Variants in ZNF624 observed in about 807,000 individuals in gnomAD.
The protein encoded by ZNF624 is zinc finger protein 624.
Under a neutral mutation model 74.7 loss-of-function variants are expected in ZNF624, and 43 were observed. The observed-to-expected ratio is 0.58, with a 90% CI of 0.45 to 0.74. ZNF624 has a LOEUF of 0.74. Ranked by LOEUF, ZNF624 falls within the 30% of genes least tolerant of loss-of-function variation. The pLI is 0.00. For missense variants in ZNF624, 820 were observed against 1,030.0 expected (o/e 0.80, Z 2.79); for synonymous variants, 331 against 341.3 (o/e 0.97, Z 0.33).
downstream of ZNF624, chr17:16,617,946 G>C (rs1260668505): frequency 9.9e-7 from 1 of 1,006,160 alleles, no homozygotes; most frequent in South Asian, 1.4e-5. Context: ...AGTAGCCGCG[G>C]TGCGGGTGCG....
chr17:16,647,825 C>G (rs1381211777), intron 2 of ZNF624, among the ~76,000 whole-genome samples: 1 of 152,164 alleles, frequency 6.6e-6, no homozygotes, highest in Non-Finnish European at 1.5e-5. Flanking sequence ...GGATGTGGCT[C>G]AACAGTCACT....
chr17:16,649,729 A>T lies in ZNF624; in HGVS notation c.16T>A (p.Ser6Thr). The T allele has an allele frequency of 5.0e-6, 8 of 1,613,858 alleles. No individual in the cohort carries two copies. The highest frequency in any genetic ancestry group is 6.8e-6 in the Non-Finnish European group (8 of 1,179,764). Residue 6 changes from serine (S) to threonine (T), a missense_variant, in exon 2 of 6, where the codon TCC becomes ACC. Transcript: ENST00000311331. Reference protein sequence around the residue: MSLQDSTLSREGKPEG... With the variant: MSLQDTTLSREGKPEG... ...GGTTTCCCCTCTCTGGAAAGAGTGG[A>T]GTCTTGCAAAGACATACCTAAGGAA...
At chr17:16,648,353 A>T (rs200081912) in intron 2 of ZNF624, among the ~76,000 whole-genome samples, 2 of 151,818 alleles carry the variant, frequency 1.3e-5, no homozygotes, top group East Asian at 3.9e-4. Context: ...ATAAAACTAC[A>T]TAAAGATCAC....
downstream of ZNF624, among the ~76,000 whole-genome samples, chr17:16,618,094 A>C (rs1320757390): frequency 1.3e-5 from 2 of 152,218 alleles, no homozygotes; most frequent in African/African-American, 4.8e-5. Flanking sequence ...TTAGTTCCTC[A>C]GGATCCACCT....
At chr17:16,643,464 C>T (rs1909513545) in intron 3 of ZNF624, among the ~76,000 whole-genome samples, 1 of 152,040 alleles carries the variant, frequency 6.6e-6, no homozygotes, top group Non-Finnish European at 1.5e-5. Flanking sequence ...TATGAAATGT[C>T]CAGAATAGGC....
chr17:16,648,904 C>T (rs1166427707), intron 2 of ZNF624, among the ~76,000 whole-genome samples: 28 of 152,144 alleles, frequency 1.8e-4, no homozygotes, highest in Admixed American at 1.8e-3. Context: ...CCCTTAAACC[C>T]GTTTCTCACC....
rs1187803186 is a variant in ZNF624 at position 16,624,042 on chromosome 17, C to T, written c.844G>A (p.Glu282Lys). Residue 282 changes from glutamate (E) to lysine (K), a missense_variant, in exon 6 of 6, where the codon GAA becomes AAA. Glu to Lys is a moderately conservative substitution (Grantham distance 56). Transcript: ENST00000311331. ...KEKPYKCSTC[E>K]KAFHYRSLLI... ...AATGATCTATAATGAAAGGCCTTTT[C>T]GCATGTACTACATTTGTAGGGTTTT... is the stretch of plus-strand genomic sequence containing the variant. 6.8e-6 allele frequency: 11 copies of T among 1,613,722 alleles called. No homozygotes were observed. Among genetic ancestry groups the T allele is most frequent in the South Asian group, 2.2e-5 (2 of 90,974 alleles).
chr17:16,635,559 T>C (rs986409899), intron 3 of ZNF624, among the ~76,000 whole-genome samples: 7 of 152,116 alleles, frequency 4.6e-5, no homozygotes, highest in Admixed American at 2.6e-4. Flanking sequence ...AGGAACTATT[T>C]TGAGTGACTT....
chr17:16,647,190 T>C (rs1320342129), intron 3 of ZNF624, 139 bp downstream of exon 3: 1 of 733,036 alleles, frequency 1.4e-6, no homozygotes. Flanking sequence ...ATCTGTTAAA[T>C]TGATGCCACC....
chr17:16,628,809 C>T (rs1046510935), intron 5 of ZNF624, among the ~76,000 whole-genome samples: 1 of 151,734 alleles, frequency 6.6e-6, no homozygotes, highest in African/African-American at 2.4e-5. Flanking sequence ...GTCTTAGAAG[C>T]CAAATGAATC....
intron 3 of ZNF624, among the ~76,000 whole-genome samples, chr17:16,637,938 A>G (rs1475755754): frequency 6.6e-6 from 1 of 151,912 alleles, no homozygotes; most frequent in African/African-American, 2.4e-5. Context: ...GCAACCTACA[A>G]AATGGGAGAA....
chr17:16,641,827 T>C lies in ZNF624; in HGVS notation c.153+5502A>G, dbSNP rs552746722. ...CAAGGTTCAGGATACAAGATCTATATGTGTGTGTTTAAGTCAATTATCTGT... is the reference window on the plus strand; with the variant it reads ...CAAGGTTCAGGATACAAGATCTATACGTGTGTGTTTAAGTCAATTATCTGT... On this transcript the variant is annotated intron_variant, in intron 3 of 5. Coordinates refer to ENST00000311331, the MANE Select transcript of ZNF624 (RefSeq NM_020787.4). Among the ~76,000 whole-genome samples the C allele has an allele frequency of 5.4e-4, 83 of 152,390 alleles. No individual in the cohort carries two copies. In the South Asian group the frequency reaches 6.4e-3, roughly 12 times the overall value.
chr17:16,641,594 A>G (rs757796154), intron 3 of ZNF624, among the ~76,000 whole-genome samples: 20 of 152,150 alleles, frequency 1.3e-4, no homozygotes, highest in Non-Finnish European at 2.5e-4. Context: ...ATTCCTTCTC[A>G]CTTCTATTCA....
intron 5 of ZNF624, among the ~76,000 whole-genome samples, chr17:16,632,862 T>C (rs1483953598): frequency 6.6e-6 from 1 of 152,248 alleles, no homozygotes; most frequent in African/African-American, 2.4e-5. Context: ...GCTACATCTC[T>C]AATCTTATTC....
At position 16,634,611 on chromosome 17, in the gene ZNF624, G is replaced by A; in HGVS notation, c.280+19C>T. On this transcript the variant is annotated intron_variant, in intron 4 of 5. Transcript: ENST00000311331. ...TCAAATGGGCAGATCAATCAACACA[G>A]AAGAGAAGTTATCCTTACCCAGGGA... 1 of 1,609,472 alleles carries A rather than the reference G, an allele frequency of 6.2e-7. No homozygotes were observed. The highest frequency in any genetic ancestry group is 1.1e-5 in the South Asian group (1 of 90,312).
chr17:16,649,293 A>G (rs545789863), intron 2 of ZNF624, among the ~76,000 whole-genome samples: 2 of 152,220 alleles, frequency 1.3e-5, no homozygotes, highest in Admixed American at 1.3e-4. Context: ...TTGTGTACAT[A>G]TATTTTCCCC....
At position 16,623,423 on chromosome 17, in the gene ZNF624, A is replaced by T; in HGVS notation, c.1463T>A (p.Ile488Asn). ...GKAYRSNSSL[I>N]VHIRTHTGEK... is the part of the protein sequence containing the mutation. ...CCCAGTGTGAGTTCTTATATGTACG[A>T]TAAGGCTTGAATTACTTCTATAGGC... is the stretch of plus-strand genomic sequence containing the variant. Residue 488 changes from isoleucine to asparagine, a missense_variant, in exon 6 of 6, where the codon ATC becomes AAC. Ile to Asn is a moderately radical substitution (Grantham distance 149). Transcript: ENST00000311331. This position sits in a 1 kb window ranked among gnomAD's most constrained non-coding sequence, Gnocchi z 5.3. 1 of 1,613,994 alleles carries T rather than the reference A, an allele frequency of 6.2e-7. No homozygotes were observed. Among genetic ancestry groups the T allele is most frequent in the Non-Finnish European group, 8.5e-7 (1 of 1,179,966 alleles).
At chr17:16,624,567 T>C in intron 5 of ZNF624, 58 bp from the exon 6 acceptor site, 1 of 1,399,470 alleles carries the variant, frequency 7.1e-7, no homozygotes, top group South Asian at 1.4e-5. Flanking sequence ...GCAATCTCAC[T>C]AAACAGAATA....
At chr17:16,647,972 G>A (rs796827096) in intron 2 of ZNF624, among the ~76,000 whole-genome samples, 7 of 150,052 alleles carry the variant, frequency 4.7e-5, no homozygotes, top group African/African-American at 1.7e-4. Flanking sequence ...TTACTCTGTC[G>A]CTGCCCAGGC....
Sources: allele counts gnomAD v4.1 joint callset (sites outside exome capture counted in the v4.1 genomes callset), GRCh38; gene constraint gnomAD v4.1.1; non-coding constraint Gnocchi (gnomAD v3.1); transcripts MANE v1.5; gene names NCBI Gene and HGNC (gene_info 2026-07-23, HGNC 2026-07-21).